The following PLEKHG7 variants were observed in gnomAD, a reference collection of about 807,000 sequenced individuals.
PLEKHG7 encodes pleckstrin homology and RhoGEF domain containing G7, also known as pleckstrin homology domain-containing family G member 7.
A neutral mutation model predicts 85.2 loss-of-function variants in PLEKHG7; 77 were observed. That is an observed-to-expected ratio of 0.90 (90% CI 0.75 to 1.09). The LOEUF (loss-of-function observed/expected upper bound fraction) is 1.09. PLEKHG7 is among the 50% of genes least tolerant of loss of function. The pLI is 0.00. For synonymous variants in PLEKHG7, 301 were observed against 302.4 expected, an observed-to-expected ratio of 1.00 and a Z score of 0.05; for missense variants, 777 against 804.3, an observed-to-expected ratio of 0.97 and a Z score of 0.41.
intron 14 of PLEKHG7, among the ~76,000 whole-genome samples, chr12:92,762,036 A>G (rs1450290138): frequency 6.6e-6 from 1 of 151,690 alleles, no homozygotes; most frequent in Non-Finnish European, 1.5e-5. Flanking sequence ...ATGAAACCAA[A>G]AAAATGCAAG....
At chr12:92,729,383 T>C (rs529139089) in intron 4 of PLEKHG7, among the ~76,000 whole-genome samples, 83 of 149,868 alleles carry the variant, frequency 5.5e-4, no homozygotes, top group African/African-American at 2.0e-3. Flanking sequence ...CCAAATGTCT[T>C]ATCCCAGGCC....
At chr12:92,704,657 A>C (rs1871179569) in intron 1 of PLEKHG7, among the ~76,000 whole-genome samples, 1 of 152,234 alleles carries the variant, frequency 6.6e-6, no homozygotes, top group Non-Finnish European at 1.5e-5. Context: ...TGTGAATAAG[A>C]GTTGAATTGA....
In PLEKHG7 at chr12:92,749,973, T is replaced by TTTATTTTA. The variant is rs1565794561; in HGVS notation, c.1252-4114_1252-4107dup. ...TTTTATTTTATATTTTATTTTATAT[T>TTTATTTTA]TTATTTTATTTTATTATTTTATTTT... is the stretch of plus-strand genomic sequence containing the variant. On this transcript the variant is annotated intron_variant, in intron 10 of 16. Transcript: ENST00000344636. Among the ~76,000 whole-genome samples the TTTATTTTA allele has an allele frequency of 3.8e-3, 406 of 106,784 alleles. 6 individuals carry two copies. The highest frequency in any genetic ancestry group is 0.015 in the African/African-American group (395 of 25,988). The allele number at this position is 106,784 out of a possible 152,430, so 70.1% of individuals were successfully genotyped here. A position where few individuals can be genotyped will look rare whatever the true frequency, so the allele number is the denominator to read the frequency against.
chr12:92,715,151 G>C (rs1871447435), intron 3 of PLEKHG7, among the ~76,000 whole-genome samples: 1 of 152,238 alleles, frequency 6.6e-6, no homozygotes, highest in Non-Finnish European at 1.5e-5. Context: ...GAGCCAGTCA[G>C]AGTTCCAAAG....
rs144659021 is a variant in PLEKHG7 at position 92,705,807 on chromosome 12, T to G, written c.-161-664T>G. Among the ~76,000 whole-genome samples, 581 of 152,328 alleles carry G rather than the reference T, an allele frequency of 3.8e-3. 2 individuals are homozygous for G. Among genetic ancestry groups the G allele is most frequent in the Non-Finnish European group, 6.7e-3 (458 of 68,026 alleles). ...CACTCCCATGAATCAAGCTGTGAAA[T>G]GGAAGGGTCAGCTTTTCTTGAGCAT... is the stretch of plus-strand genomic sequence containing the variant. On this transcript the variant is annotated intron_variant, in intron 1 of 16. Transcript: ENST00000344636.
Position 92,723,396 on chromosome 12 carries a change from C to A in PLEKHG7, c.531-5597C>A, listed in dbSNP as rs76469739. Among the ~76,000 whole-genome samples, 766 of 152,252 alleles carry A rather than the reference C, an allele frequency of 5.0e-3. 4 individuals carry two copies. Among genetic ancestry groups the A allele is most frequent in the African/African-American group, 0.017 (724 of 41,536 alleles). ...GAAGATGGTTTCATTCATTCATATT[C>A]ATCAGCAACAATGGATTAAGTTCTA... On this transcript the variant is annotated intron_variant, in intron 3 of 16. Transcript: ENST00000344636.
At chr12:92,717,936 T>C (rs1031282846) in intron 3 of PLEKHG7, among the ~76,000 whole-genome samples, 7 of 152,222 alleles carry the variant, frequency 4.6e-5, no homozygotes, top group Non-Finnish European at 8.8e-5. Flanking sequence ...TGGTTATTCT[T>C]AGAGAAACCA....
At chr12:92,767,651 T>G (rs1224205325) in intron 15 of PLEKHG7, among the ~76,000 whole-genome samples, 4 of 152,244 alleles carry the variant, frequency 2.6e-5, no homozygotes, top group Non-Finnish European at 5.9e-5. Flanking sequence ...GAGTATAATC[T>G]GTGATACTGG....
intron 4 of PLEKHG7, 61 bp downstream of exon 4, chr12:92,729,181 C>G: frequency 8.1e-7 from 1 of 1,229,044 alleles, no homozygotes. Flanking sequence ...TTGCCATAAC[C>G]AGGGGGAATT....
intron 9 of PLEKHG7, among the ~76,000 whole-genome samples, chr12:92,742,836 G>A (rs562723240): frequency 6.6e-6 from 1 of 152,040 alleles, no homozygotes; most frequent in African/African-American, 2.4e-5. Flanking sequence ...GGGATTAGAG[G>A]AGTGAGCCAC....
At chr12:92,731,674 C>T (rs1315160682) in intron 4 of PLEKHG7, among the ~76,000 whole-genome samples, 1 of 152,184 alleles carries the variant, frequency 6.6e-6, no homozygotes, top group East Asian at 1.9e-4. Flanking sequence ...AAAGCAACTC[C>T]TAGAAGATGG....
intron 11 of PLEKHG7, among the ~76,000 whole-genome samples, 173 bp from the exon 12 acceptor site, chr12:92,755,652 T>C (rs1463242377): frequency 6.6e-6 from 1 of 152,198 alleles, no homozygotes; most frequent in East Asian, 1.9e-4. Context: ...GATTCCAAAT[T>C]AGTGAGTTTT....
At chr12:92,749,026 T>C (rs1328427983) in intron 10 of PLEKHG7, among the ~76,000 whole-genome samples, 1 of 152,238 alleles carries the variant, frequency 6.6e-6, no homozygotes, top group Non-Finnish European at 1.5e-5. Flanking sequence ...ATGGTTGTTC[T>C]AGGGCAGAGG....
At chr12:92,719,751 T>C (rs1049678721) in intron 3 of PLEKHG7, among the ~76,000 whole-genome samples, 2 of 152,228 alleles carry the variant, frequency 1.3e-5, no homozygotes, top group South Asian at 4.1e-4. Flanking sequence ...AAGGAATCTT[T>C]TAAAAATGTA....
chr12:92,740,523 G>A (rs1872322401), intron 7 of PLEKHG7, among the ~76,000 whole-genome samples: 2 of 151,698 alleles, frequency 1.3e-5, no homozygotes, highest in South Asian at 4.1e-4. Flanking sequence ...TCTCAAGTTA[G>A]TAGTGTTGTT....
At chr12:92,707,253 G>A (rs1052599175) in intron 2 of PLEKHG7, 115 bp downstream of exon 2, 12 of 1,450,662 alleles carry the variant, frequency 8.3e-6, no homozygotes, top group Non-Finnish European at 1.1e-5. Flanking sequence ...GACAGCACAG[G>A]AAGTCACACT....
At chr12:92,727,952 GTGTGTGTGTGTATA>G (rs1259868033) in intron 3 of PLEKHG7, among the ~76,000 whole-genome samples, 1 of 132,660 alleles carries the variant, frequency 7.5e-6, no homozygotes, top group African/African-American at 2.9e-5. Flanking sequence ...GTGTGTGTGT[GTGTGTGTGTGTATA>G]TATATATATA....
chr12:92,746,347 G>T (rs77153281), intron 10 of PLEKHG7, among the ~76,000 whole-genome samples: 8,974 of 152,308 alleles, frequency 0.059, 301 homozygotes, highest in Middle Eastern at 0.088. Context: ...TGGGAGGAAA[G>T]GCTCCCATGG....
At chr12:92,708,960 T>A (rs138970733) in intron 3 of PLEKHG7, among the ~76,000 whole-genome samples, 6 of 152,264 alleles carry the variant, frequency 3.9e-5, no homozygotes, top group Non-Finnish European at 8.8e-5. Flanking sequence ...AGCTCTCAGA[T>A]GAGATCTAGT....
Sources: gnomAD v4.1 joint callset for allele counts (sites outside exome capture counted in the v4.1 genomes callset) on GRCh38, gnomAD v4.1.1 for gene constraint, MANE v1.5 for transcripts, NCBI Gene and HGNC (gene_info 2026-07-23, HGNC 2026-07-21) for gene names.